The following CRISPLD1 variants were observed in gnomAD, a reference collection of about 807,000 sequenced individuals.
The protein encoded by CRISPLD1 is cysteine rich secretory protein LCCL domain containing 1.
In CRISPLD1, 60 loss-of-function variants were observed where a neutral mutation model predicts 77.5. That is an observed-to-expected ratio of 0.77 (90% CI 0.63 to 0.96). The LOEUF (loss-of-function observed/expected upper bound fraction) is 0.96. Among genes scored for constraint, CRISPLD1 ranks in the 40% least tolerant of loss-of-function variants. The pLI, the probability that CRISPLD1 is intolerant of heterozygous loss-of-function variation, is 0.00. For synonymous variants in CRISPLD1, 195 were observed against 200.1 expected (o/e 0.97, Z 0.22); for missense variants, 623 against 615.8 (o/e 1.01, Z -0.12).
intron 2 of CRISPLD1, among the ~76,000 whole-genome samples, chr8:75,002,212 A>G (rs1303402312): frequency 6.6e-6 from 1 of 151,716 alleles, no homozygotes; most frequent in African/African-American, 2.4e-5. Context: ...TGATTATCTT[A>G]TTTTTCAGTC....
rs187003238 is a variant in CRISPLD1 at position 74,986,253 on chromosome 8, C to G, written c.258+8C>G. ...TCTAATATGGAGTATATGGTAAGGA[C>G]ATTTTTCAAGTGGTATGTACAAAAG... On this transcript the variant is annotated splice_region_variant and intron_variant, in intron 2 of 14. Transcript: ENST00000262207. 14 of 1,612,558 alleles carry G rather than the reference C, an allele frequency of 8.7e-6. No homozygotes were observed. In the East Asian group the frequency reaches 2.7e-4, roughly 31 times the overall value.
chr8:74,997,974 C>G (rs950750038), intron 2 of CRISPLD1, among the ~76,000 whole-genome samples: 6 of 152,038 alleles, frequency 3.9e-5, no homozygotes, highest in African/African-American at 1.4e-4. Context: ...GTGAAGAGAT[C>G]AGAAAAATGG....
intron 12 of CRISPLD1, among the ~76,000 whole-genome samples, chr8:75,022,843 T>C (rs1350355675): frequency 2.6e-5 from 4 of 152,050 alleles, no homozygotes; most frequent in African/African-American, 9.7e-5. Flanking sequence ...AAAGTTTCCA[T>C]GTCTGGTAGA....
chr8:75,027,566 A>G (rs938634872), intron 13 of CRISPLD1, among the ~76,000 whole-genome samples: 1 of 152,206 alleles, frequency 6.6e-6, no homozygotes, highest in African/African-American at 2.4e-5. Flanking sequence ...CCTCAGTGAA[A>G]TGGCTGCATA....
intron 12 of CRISPLD1, among the ~76,000 whole-genome samples, chr8:75,020,500 C>G (rs1383486298): frequency 6.6e-6 from 1 of 152,218 alleles, no homozygotes; most frequent in African/African-American, 2.4e-5. Context: ...GCCACCTTCT[C>G]TGTGTCCTCA....
intron 2 of CRISPLD1, among the ~76,000 whole-genome samples, chr8:74,993,022 G>A (rs1328748023): frequency 2.7e-5 from 4 of 148,542 alleles, no homozygotes; most frequent in African/African-American, 7.5e-5. Context: ...ATATGCAAAA[G>A]TGATCTTTAG....
intron 6 of CRISPLD1, among the ~76,000 whole-genome samples, 191 bp downstream of exon 6, chr8:75,015,103 TA>T (rs1813005748): frequency 6.6e-6 from 1 of 152,172 alleles, no homozygotes; most frequent in South Asian, 2.1e-4. Flanking sequence ...ATGAAATTTT[TA>T]AAGTTCCATG....
intron 6 of CRISPLD1, among the ~76,000 whole-genome samples, chr8:75,016,154 G>T (rs1350610088): frequency 6.6e-6 from 1 of 151,998 alleles, no homozygotes; most frequent in Non-Finnish European, 1.5e-5. Context: ...ATTTCCATTT[G>T]GGAGAAGTCT....
At chr8:75,020,166 A>G (rs1813108352) in intron 12 of CRISPLD1, 87 bp downstream of exon 12, 1 of 1,077,292 alleles carries the variant, frequency 9.3e-7, no homozygotes, top group Non-Finnish European at 1.4e-6. Flanking sequence ...CAAAAGTTGT[A>G]TAATCTTGAA....
chr8:75,028,725 T>G (rs1813278901), intron 13 of CRISPLD1, among the ~76,000 whole-genome samples: 1 of 152,192 alleles, frequency 6.6e-6, no homozygotes, highest in African/African-American at 2.4e-5. Context: ...CATAGGACTT[T>G]CCTAGTATTT....
chr8:75,034,198 A>G lies in CRISPLD1; in HGVS notation c.*1956A>G, dbSNP rs1813406118. 2 of 152,030 alleles carry G rather than the reference A, an allele frequency of 1.3e-5. No homozygotes were observed. Among genetic ancestry groups the G allele is most frequent in the Admixed American group, 1.3e-4 (2 of 15,248 alleles). 9.4% of individuals were successfully genotyped at this position (152,030 alleles called of 1,614,324 possible). On this transcript the variant is annotated 3_prime_UTR_variant, in exon 15 of 15. Coordinates refer to ENST00000262207, the MANE Select transcript of CRISPLD1 (RefSeq NM_031461.6). The stretch of plus-strand genomic sequence containing the variant: ...AACATTCTTGTAAAAACATTTAAGA[A>G]CTTCCATAGTCTTGTTCATATTGTT...
At chr8:75,030,859 TAC>T (rs10588958) in intron 14 of CRISPLD1, among the ~76,000 whole-genome samples, 28 of 151,930 alleles carry the variant, frequency 1.8e-4, no homozygotes, top group Middle Eastern at 3.4e-3. Context: ...AATGTATATA[TAC>T]ACACACATAT....
intron 2 of CRISPLD1, among the ~76,000 whole-genome samples, chr8:75,003,148 CTT>C (rs1388819256): frequency 6.6e-6 from 1 of 152,164 alleles, no homozygotes; most frequent in East Asian, 1.9e-4. Flanking sequence ...TTAGTGGAAA[CTT>C]ATCACAGAAT....
chr8:75,004,451 A>G (rs16939020), intron 2 of CRISPLD1, among the ~76,000 whole-genome samples: 40,235 of 152,048 alleles, frequency 0.26, 7,251 homozygotes, highest in African/African-American at 0.52. Context: ...AGAAAATTAC[A>G]TAGCTTTACA....
rs201227381 is a variant in CRISPLD1 at position 75,012,486 on chromosome 8, G to T, written c.312G>T (p.Leu104Phe). 1 of 1,613,254 alleles carries T rather than the reference G, an allele frequency of 6.2e-7. No individual in the cohort carries two copies. The highest frequency in any genetic ancestry group is 1.1e-5 in the South Asian group (1 of 91,068). ...CAGAATCCTGGGCTGAAAGTTGCTTGTGGGAACATGGACCTGCAAGCTTGC... is the reference window on the plus strand; with the variant it reads ...CAGAATCCTGGGCTGAAAGTTGCTTTTGGGAACATGGACCTGCAAGCTTGC... ...RSAESWAESCLWEHGPASLLP... is the reference protein window; with the variant it reads ...RSAESWAESCFWEHGPASLLP... Residue 104 changes from leucine (L) to phenylalanine (F), a missense_variant, in exon 3 of 15, where the codon TTG becomes TTT. Leu to Phe is a conservative substitution (Grantham distance 22, BLOSUM62 0). Coordinates refer to ENST00000262207, the MANE Select transcript of CRISPLD1 (RefSeq NM_031461.6).
chr8:75,034,485 G>A lies in CRISPLD1; in HGVS notation c.*2243G>A, dbSNP rs1157912418. 6.6e-6 allele frequency: 1 copy of A among 152,066 alleles called. No homozygotes were observed. Among genetic ancestry groups the A allele is most frequent in the East Asian group, 1.9e-4 (1 of 5,198 alleles). 9.4% of individuals were successfully genotyped at this position (152,066 alleles called of 1,614,324 possible). ...TTGATCCTTTGGCACTTAAATAAAT[G>A]TGAAATCCTCCAGGAATTTTCCTGT... On this transcript the variant is annotated 3_prime_UTR_variant, in exon 15 of 15. Coordinates refer to ENST00000262207, the MANE Select transcript of CRISPLD1 (RefSeq NM_031461.6).
At chr8:74,987,527 T>C (rs1011742509) in intron 2 of CRISPLD1, among the ~76,000 whole-genome samples, 1 of 152,230 alleles carries the variant, frequency 6.6e-6, no homozygotes, top group African/African-American at 2.4e-5. Flanking sequence ...CCAAGACATA[T>C]ATAACTAATT....
chr8:74,994,010 C>G (rs1812612525), intron 2 of CRISPLD1, among the ~76,000 whole-genome samples: 1 of 152,172 alleles, frequency 6.6e-6, no homozygotes, highest in Non-Finnish European at 1.5e-5. Context: ...TTTCTTTTAG[C>G]TGAGTGATAA....
intron 12 of CRISPLD1, among the ~76,000 whole-genome samples, chr8:75,021,953 G>T (rs1181284125): frequency 2.0e-5 from 3 of 152,212 alleles, no homozygotes; most frequent in Non-Finnish European, 4.4e-5. Flanking sequence ...TCTCTGTAGA[G>T]CATTCTAACA....
Sources: allele counts gnomAD v4.1 joint callset (sites outside exome capture counted in the v4.1 genomes callset), GRCh38; gene constraint gnomAD v4.1.1; transcripts MANE v1.5; gene names NCBI Gene and HGNC (gene_info 2026-07-23, HGNC 2026-07-21).